The following LRBA variants were observed in gnomAD, a reference collection of about 807,000 sequenced individuals.
LRBA encodes the protein lipopolysaccharide-responsive and beige-like anchor protein.
LRBA carries 176 observed loss-of-function variants against 330.0 expected under a neutral mutation model. The observed-to-expected ratio is 0.53, with a 90% CI of 0.47 to 0.60. LRBA has a LOEUF of 0.60. Among genes scored for constraint, LRBA ranks in the 20% least tolerant of loss-of-function variants. The probability of loss-of-function intolerance (pLI) is 0.00; values close to 1 mark genes in which losing one functional copy is unlikely to be tolerated. For synonymous variants in LRBA, 1,230 were observed against 1,193.0 expected (o/e 1.03, Z -0.64); for missense variants, 3,259 against 3,444.8 (o/e 0.95, Z 1.35).
At chr4:150,607,415 A>C (rs144047941) in intron 37 of LRBA, among the ~76,000 whole-genome samples, 21 of 152,050 alleles carry the variant, frequency 1.4e-4, no homozygotes, top group African/African-American at 4.8e-4. Flanking sequence ...ATGAGAATAA[A>C]ATCAAGGGCT....
At chr4:150,619,086 G>A (rs891876871) in intron 37 of LRBA, among the ~76,000 whole-genome samples, 63 of 151,950 alleles carry the variant, frequency 4.1e-4, no homozygotes, top group African/African-American at 1.5e-3. Flanking sequence ...AGTTTTATAA[G>A]TTTATTATCA....
intron 47 of LRBA, among the ~76,000 whole-genome samples, chr4:150,413,435 A>G (rs1747295597): frequency 6.6e-6 from 1 of 152,188 alleles, no homozygotes; most frequent in Non-Finnish European, 1.5e-5. Context: ...TATAAAATGG[A>G]ATACTATACA....
chr4:150,502,764 C>A (rs1307740890), intron 40 of LRBA, among the ~76,000 whole-genome samples: 1 of 152,220 alleles, frequency 6.6e-6, no homozygotes, highest in Non-Finnish European at 1.5e-5. Context: ...CATTGCCTTA[C>A]CCGAGAAGCG....
At chr4:150,913,309 A>G (rs927854767) in intron 9 of LRBA, among the ~76,000 whole-genome samples, 8 of 152,186 alleles carry the variant, frequency 5.3e-5, no homozygotes, top group Admixed American at 2.6e-4. Context: ...CTCTATTAAA[A>G]TTACAAAATT....
chr4:150,513,328 G>A (rs1762020515), intron 40 of LRBA, among the ~76,000 whole-genome samples: 2 of 152,252 alleles, frequency 1.3e-5, no homozygotes, highest in Admixed American at 6.5e-5. Context: ...GCAATGGGCA[G>A]GTTTGTTTAC....
In LRBA at chr4:150,588,034, C is replaced by T; in HGVS notation, c.6330+14G>A. The T allele has an allele frequency of 6.2e-7, 1 of 1,609,838 alleles. No individual in the cohort carries two copies. Among genetic ancestry groups the T allele is most frequent in the South Asian group, 1.1e-5 (1 of 89,974 alleles). ...CCCATCATAAGAAAAAATGAAACCC[C>T]TTCATCTTCTCACCTTGGGGTCGAT... On this transcript the variant is annotated intron_variant, in intron 40 of 56. Coordinates refer to ENST00000651943, the MANE Select transcript of LRBA (RefSeq NM_001364905.1).
chr4:150,542,555 T>G (rs1208200163), intron 40 of LRBA, among the ~76,000 whole-genome samples: 3 of 152,168 alleles, frequency 2.0e-5, no homozygotes, highest in African/African-American at 7.2e-5. Context: ...CTTGCACATA[T>G]CAAAAATATT....
intron 35 of LRBA, among the ~76,000 whole-genome samples, chr4:150,741,704 ATAACAATATGAATTTCAC>A (rs1421749460): frequency 2.6e-4 from 40 of 152,348 alleles, no homozygotes; most frequent in Admixed American, 6.5e-4. Flanking sequence ...AATATTATGC[ATAACAATATGAATTTCAC>A]TAACAATATG....
intron 2 of LRBA, among the ~76,000 whole-genome samples, chr4:151,008,534 C>G (rs1254202149): frequency 6.6e-6 from 1 of 151,828 alleles, no homozygotes; most frequent in African/African-American, 2.4e-5. Flanking sequence ...AAAGTAAGCC[C>G]TTAGTATGCA....
rs549011936 is a variant in LRBA, at chr4:150,354,021, C to T, written c.7195-3862G>A. 2.9e-3 allele frequency among the ~76,000 whole-genome samples: 446 copies of T among 152,102 alleles called. 4 individuals are homozygous for T. The highest frequency in any genetic ancestry group is 4.3e-3 in the Non-Finnish European group (295 of 67,988). ...CCGAACTTTAACATCCTTTTGCTAT[C>T]AGTGAATGACAACTGCCTAACCAAA... is the stretch of plus-strand genomic sequence containing the variant. On this transcript the variant is annotated intron_variant, in intron 47 of 56. Coordinates refer to ENST00000651943, the MANE Select transcript of LRBA (RefSeq NM_001364905.1).
At chr4:150,391,830 G>C (rs184955313) in intron 47 of LRBA, among the ~76,000 whole-genome samples, 3 of 149,814 alleles carry the variant, frequency 2.0e-5, no homozygotes, top group Non-Finnish European at 3.0e-5. Context: ...CCACTTCTTT[G>C]GTTTAGGCTC....
chr4:150,946,485 G>A (rs1736259118), intron 2 of LRBA, among the ~76,000 whole-genome samples: 1 of 152,082 alleles, frequency 6.6e-6, no homozygotes, highest in Non-Finnish European at 1.5e-5. Context: ...AGAAAAATGT[G>A]CGAACACTTG....
At chr4:150,663,690 T>C (rs2126835987) in intron 37 of LRBA, among the ~76,000 whole-genome samples, 1 of 152,180 alleles carries the variant, frequency 6.6e-6, no homozygotes, top group Admixed American at 6.5e-5. Context: ...GATGAAAACA[T>C]CAAAATTAAT....
At chr4:150,807,626 ATTTTGT>A (rs1247979393) in intron 32 of LRBA, among the ~76,000 whole-genome samples, 2 of 81,450 alleles carry the variant, frequency 2.5e-5, no homozygotes, top group Non-Finnish European at 5.7e-5. Context: ...TTATATCAGC[ATTTTGT>A]TGTTGTTGTT....
chr4:150,302,483 T>G (rs1425081544), intron 53 of LRBA, 142 bp downstream of exon 53: 2 of 448,364 alleles, frequency 4.5e-6, no homozygotes, highest in Non-Finnish European at 7.6e-6. Flanking sequence ...ATGAGGCTAT[T>G]TGGATCATTC....
intron 47 of LRBA, among the ~76,000 whole-genome samples, chr4:150,414,630 A>G (rs980110816): frequency 4.6e-5 from 7 of 152,112 alleles, no homozygotes; most frequent in Non-Finnish European, 1.0e-4. Context: ...AGCTGGGATT[A>G]CAGGCGCCTG....
chr4:150,741,601 TAGCA>T (rs1731984489), intron 35 of LRBA, among the ~76,000 whole-genome samples: 1 of 152,164 alleles, frequency 6.6e-6, no homozygotes, highest in South Asian at 2.1e-4. Flanking sequence ...AGCCAAACAC[TAGCA>T]ACTACCCAAA....
At chr4:150,470,011 C>T (rs988324206) in intron 43 of LRBA, among the ~76,000 whole-genome samples, 2 of 151,944 alleles carry the variant, frequency 1.3e-5, no homozygotes, top group Non-Finnish European at 2.9e-5. Flanking sequence ...GGTGAAACCC[C>T]GTCTCTACTA....
chr4:150,753,658 T>A (rs6535749), intron 35 of LRBA, among the ~76,000 whole-genome samples: 133,063 of 152,182 alleles, frequency 0.87, 58,574 homozygotes, highest in Non-Finnish European at 0.94. Flanking sequence ...CAAATCCTAT[T>A]TAGCAAAACA....
Sources: allele counts gnomAD v4.1 joint callset (sites outside exome capture counted in the v4.1 genomes callset), GRCh38; gene constraint gnomAD v4.1.1; transcripts MANE v1.5; gene names NCBI Gene and HGNC (gene_info 2026-07-23, HGNC 2026-07-21).